The following PTPRQ variants were observed in gnomAD, a reference collection of about 807,000 sequenced individuals.
PTPRQ encodes the protein phosphatidylinositol phosphatase PTPRQ.
In PTPRQ, 199 loss-of-function variants were observed where a neutral mutation model predicts 246.0. The observed-to-expected ratio is 0.81, with a 90% confidence interval of 0.72 to 0.91. PTPRQ has a LOEUF of 0.91. Among genes scored for constraint, PTPRQ ranks in the 40% least tolerant of loss-of-function variants. The pLI is 0.00. For synonymous variants in PTPRQ, 869 were observed against 853.2 expected (o/e 1.02, Z -0.32); for missense variants, 2,624 against 2,528.4 (o/e 1.04, Z -0.81).
At chr12:80,617,454 ACAT>A (rs372955107) in intron 30 of PTPRQ, among the ~76,000 whole-genome samples, 53 of 151,476 alleles carry the variant, frequency 3.5e-4, no homozygotes, top group African/African-American at 1.2e-3. Context: ...GTCTTTAAAA[ACAT>A]CAATTATTTC....
intron 35 of PTPRQ, among the ~76,000 whole-genome samples, chr12:80,646,822 G>C (rs886378208): frequency 6.6e-6 from 1 of 151,912 alleles, no homozygotes; most frequent in Non-Finnish European, 1.5e-5. Flanking sequence ...AGCAACTTTT[G>C]GTAGAGTTTT....
intron 25 of PTPRQ, among the ~76,000 whole-genome samples, chr12:80,571,223 C>G (rs964960071): frequency 5.9e-5 from 9 of 152,186 alleles, no homozygotes; most frequent in Non-Finnish European, 1.3e-4. Context: ...TGGCTCACTG[C>G]AACCTCTGCC....
At position 80,678,249 on chromosome 12, in the gene PTPRQ, A is replaced by T. The variant is rs1166148002; in HGVS notation, c.6739-353A>T. 3.9e-5 allele frequency among the ~76,000 whole-genome samples: 6 copies of T among 152,356 alleles called. No individual in the cohort carries two copies. The East Asian group carries it at 1.2e-3, about 29-fold the overall frequency. Reference sequence around the variant, plus strand: ...TTGTATTCCAACAGTCATTCTAACAAGAAAACTGTAAGAGAATTTACCAAT... The same window carrying T: ...TTGTATTCCAACAGTCATTCTAACATGAAAACTGTAAGAGAATTTACCAAT... On this transcript the variant is annotated intron_variant, in intron 43 of 44. Coordinates refer to ENST00000644991, the MANE Select transcript of PTPRQ (RefSeq NM_001145026.2).
At chr12:80,486,897 CTATT>C (rs1349024862) in intron 9 of PTPRQ, among the ~76,000 whole-genome samples, 1 of 152,160 alleles carries the variant, frequency 6.6e-6, no homozygotes, top group Non-Finnish European at 1.5e-5. Flanking sequence ...GCTTTTGAAA[CTATT>C]TGTTCCTTAA....
At chr12:80,604,504 T>C (rs1196258400) in intron 26 of PTPRQ, among the ~76,000 whole-genome samples, 3 of 151,614 alleles carry the variant, frequency 2.0e-5, no homozygotes, top group African/African-American at 7.3e-5. Context: ...ATTCAAGAAA[T>C]ATTTGAAGAT....
At position 80,586,575 on chromosome 12, in the gene PTPRQ, T is replaced by C. The variant is rs144184681; in HGVS notation, c.4286-1554T>C. ...ATACCCAAAGGACTATAAATCATGC[T>C]GCTATAAAGGAATTTAGTATCTTCT... On this transcript the variant is annotated intron_variant, in intron 25 of 44. Coordinates refer to ENST00000644991, the MANE Select transcript of PTPRQ (RefSeq NM_001145026.2). 8 of 152,278 alleles carry C rather than the reference T, an allele frequency of 5.3e-5. 2 individuals carry two copies. Among genetic ancestry groups the C allele is most frequent in the African/African-American group, 1.9e-4 (8 of 41,556 alleles). 9.4% of individuals were successfully genotyped at this position (152,278 alleles called of 1,614,324 possible).
chr12:80,474,007 T>C (rs1893735563), intron 8 of PTPRQ, among the ~76,000 whole-genome samples: 1 of 152,216 alleles, frequency 6.6e-6, no homozygotes, highest in Non-Finnish European at 1.5e-5. Flanking sequence ...TCAGCCTTCA[T>C]CCATGGAGTT....
At position 80,583,445 on chromosome 12, in the gene PTPRQ, A is replaced by G. The variant is rs544008595; in HGVS notation, c.4286-4684A>G. 3.4e-3 allele frequency among the ~76,000 whole-genome samples: 514 copies of G among 152,162 alleles called. 1 individual carries two copies. The highest frequency in any genetic ancestry group is 5.6e-3 in the Non-Finnish European group (383 of 68,008). Reference sequence around the variant, plus strand: ...GTGAAAGTAGATTAGGCCTCTTTGGAGTGGGTTTTCAGTGCAGAGCTGAGA... The same window carrying G: ...GTGAAAGTAGATTAGGCCTCTTTGGGGTGGGTTTTCAGTGCAGAGCTGAGA... On this transcript the variant is annotated intron_variant, in intron 25 of 44. Transcript: ENST00000644991.
intron 8 of PTPRQ, among the ~76,000 whole-genome samples, chr12:80,473,022 T>TACACACACACACACACACAC (rs371484292): frequency 1.5e-5 from 2 of 129,122 alleles, no homozygotes; most frequent in African/African-American, 5.6e-5. Context: ...TAGACATGTA[T>TACACACACACACACACACAC]ACACACACAC....
intron 9 of PTPRQ, among the ~76,000 whole-genome samples, chr12:80,489,528 A>G (rs1894380076): frequency 6.6e-6 from 1 of 152,034 alleles, no homozygotes; most frequent in Non-Finnish European, 1.5e-5. Context: ...CGAAGACTTA[A>G]TATCCTTAGT....
At chr12:80,622,559 G>A (rs926977946) in intron 33 of PTPRQ, among the ~76,000 whole-genome samples, 4 of 152,000 alleles carry the variant, frequency 2.6e-5, no homozygotes, top group African/African-American at 7.2e-5. Context: ...TGGTCCTGAG[G>A]ATGAGAAACT....
intron 43 of PTPRQ, 53 bp from the exon 44 acceptor site, chr12:80,678,549 T>C (rs758283408): frequency 2.7e-6 from 4 of 1,491,200 alleles, no homozygotes; most frequent in East Asian, 2.5e-5. Flanking sequence ...TAACTCCCTT[T>C]ATGAAACTCT....
chr12:80,450,177 TTGTC>T (rs1346450969), intron 3 of PTPRQ, among the ~76,000 whole-genome samples: 2 of 152,094 alleles, frequency 1.3e-5, no homozygotes, highest in African/African-American at 4.8e-5. Context: ...GGCTCTCTGT[TTGTC>T]TGTTATTGGT....
chr12:80,481,277 A>T (rs924244442), intron 8 of PTPRQ, among the ~76,000 whole-genome samples: 3 of 152,238 alleles, frequency 2.0e-5, no homozygotes, highest in Admixed American at 6.5e-5. Context: ...CAAAAATCAC[A>T]TGATTATCTC....
chr12:80,494,041 G>A (rs1167309340), intron 10 of PTPRQ, among the ~76,000 whole-genome samples: 2 of 151,896 alleles, frequency 1.3e-5, no homozygotes, highest in Non-Finnish European at 2.9e-5. Context: ...TGTTAAATGA[G>A]AAAAACATTT....
intron 42 of PTPRQ, among the ~76,000 whole-genome samples, chr12:80,671,801 GCC>G (rs1900979404): frequency 1.3e-5 from 2 of 151,976 alleles, no homozygotes; most frequent in Admixed American, 6.6e-5. Context: ...TGAGCCAGAA[GCC>G]CTGGAGTCAT....
Position 80,618,460 on chromosome 12 carries a change from T to C in PTPRQ, c.5231-924T>C, listed in dbSNP as rs114697321. ...AGCTTCTATACATATATTTTGGAGA[T>C]ATTTGTATGCATTGATGACAAATTA... On this transcript the variant is annotated intron_variant, in intron 30 of 44. Transcript: ENST00000644991. Among the ~76,000 whole-genome samples, 102 of 151,410 alleles carry C rather than the reference T, an allele frequency of 6.7e-4. 1 individual carries two copies. The highest frequency in any genetic ancestry group is 2.3e-3 in the African/African-American group (97 of 41,400).
chr12:80,647,126 T>C (rs529662122), intron 35 of PTPRQ, among the ~76,000 whole-genome samples: 2 of 152,328 alleles, frequency 1.3e-5, no homozygotes, highest in East Asian at 3.9e-4. Context: ...CCGGCTCAAA[T>C]GATCCTCTAG....
chr12:80,492,523 A>T (rs1201953099), intron 9 of PTPRQ, among the ~76,000 whole-genome samples: 1 of 151,988 alleles, frequency 6.6e-6, no homozygotes. Flanking sequence ...ATTTTGTTTC[A>T]ATCAATTATG....
Sources: gnomAD v4.1 joint callset for allele counts (sites outside exome capture counted in the v4.1 genomes callset) on GRCh38, gnomAD v4.1.1 for gene constraint, MANE v1.5 for transcripts, NCBI Gene and HGNC (gene_info 2026-07-23, HGNC 2026-07-21) for gene names.